The following DPP6 variants were observed in gnomAD, a reference collection of about 807,000 sequenced individuals.
The protein encoded by DPP6 is dipeptidyl peptidase like 6.
In DPP6, 69 loss-of-function variants were observed where a neutral mutation model predicts 122.6. That is an observed-to-expected ratio of 0.56 (90% CI 0.46 to 0.69). The LOEUF is 0.69. DPP6 is among the 30% of genes least tolerant of loss of function. DPP6 has a pLI of 0.00. For missense variants in DPP6, 928 were observed against 1,116.9 expected (o/e 0.83, Z 2.41); for synonymous variants, 418 against 433.1 (o/e 0.97, Z 0.43).
At chr7:154,521,293 C>T (rs1404912267) in intron 3 of DPP6, among the ~76,000 whole-genome samples, 1 of 151,754 alleles carries the variant, frequency 6.6e-6, no homozygotes, top group Non-Finnish European at 1.5e-5. Context: ...CTACTTAACT[C>T]TATATTTTCT....
chr7:154,190,751 G>A (rs1276255816), intron 1 of DPP6, among the ~76,000 whole-genome samples: 1 of 152,074 alleles, frequency 6.6e-6, no homozygotes, highest in Non-Finnish European at 1.5e-5. Context: ...AAAAGCCCAT[G>A]AATTCACCTG....
chr7:154,534,873 T>G lies in DPP6; in HGVS notation c.458-5659T>G, dbSNP rs868747563. Among the ~76,000 whole-genome samples the G allele has an allele frequency of 2.6e-5, 4 of 152,014 alleles. No individual in the cohort carries two copies. The South Asian group carries it at 6.2e-4, about 24-fold the overall frequency. On this transcript the variant is annotated intron_variant, in intron 3 of 25. Coordinates refer to ENST00000377770, the MANE Select transcript of DPP6 (RefSeq NM_130797.4). Reference sequence around the variant, plus strand: ...GAAATCAACAAGATAATTAAAAAATTTATATTGAAATACAAAGGACCTAAA... The same window carrying G: ...GAAATCAACAAGATAATTAAAAAATGTATATTGAAATACAAAGGACCTAAA...
At chr7:154,864,175 T>C (rs557436822) in intron 17 of DPP6, among the ~76,000 whole-genome samples, 45 of 152,324 alleles carry the variant, frequency 3.0e-4, no homozygotes, top group African/African-American at 8.2e-4. Flanking sequence ...TTATTTCTTG[T>C]AGAAATGTGA....
At chr7:154,673,244 C>A (rs1838679403) in intron 7 of DPP6, among the ~76,000 whole-genome samples, 1 of 152,198 alleles carries the variant, frequency 6.6e-6, no homozygotes, top group Non-Finnish European at 1.5e-5. Flanking sequence ...GTGAGTAATT[C>A]TCCTTTGGGA....
chr7:153,964,430 G>A lies in DPP6; in HGVS notation c.51+76696G>A, dbSNP rs536672307. Among the ~76,000 whole-genome samples the A allele has an allele frequency of 8.5e-5, 13 of 152,198 alleles. No individual in the cohort carries two copies. In the South Asian group the frequency reaches 1.7e-3, roughly 19 times the overall value. ...TACCACAGGTTCTGGAGACGCTACCGCTTCATGTCTCCTAGCAGCACTGGC... is the reference window on the plus strand; with the variant it reads ...TACCACAGGTTCTGGAGACGCTACCACTTCATGTCTCCTAGCAGCACTGGC... On this transcript the variant is annotated intron_variant, in intron 1 of 25. Coordinates refer to the DPP6 transcript ENST00000404039.
At chr7:154,371,579 C>T (rs1209285687) in intron 1 of DPP6, among the ~76,000 whole-genome samples, 2 of 152,048 alleles carry the variant, frequency 1.3e-5, no homozygotes, top group Non-Finnish European at 2.9e-5. Flanking sequence ...GGCGAAGGCC[C>T]ACTTGCAGAC....
At chr7:154,189,721 G>A (rs893542843) in intron 1 of DPP6, among the ~76,000 whole-genome samples, 1 of 152,180 alleles carries the variant, frequency 6.6e-6, no homozygotes, top group Admixed American at 6.5e-5. Context: ...GACCAGCGAG[G>A]CTATCTTTGT....
intron 1 of DPP6, among the ~76,000 whole-genome samples, chr7:154,087,504 G>A (rs1222147691): frequency 6.6e-6 from 1 of 152,186 alleles, no homozygotes; most frequent in Non-Finnish European, 1.5e-5. Context: ...GCAGAGGAGA[G>A]AATTAGCCGC....
chr7:153,814,232 G>A, the DPP6 span, among the ~76,000 whole-genome samples: 229 of 152,198 alleles, frequency 1.5e-3, no homozygotes, highest in Non-Finnish European at 2.3e-3. Flanking sequence ...GAAGAAAAGA[G>A]AGAAGAATCA....
At chr7:154,256,930 C>T (rs1231079023) in intron 1 of DPP6, among the ~76,000 whole-genome samples, 1 of 151,998 alleles carries the variant, frequency 6.6e-6, no homozygotes. Flanking sequence ...CTAGAAAATG[C>T]CAGGCTTTAG....
chr7:154,759,373 T>G (rs527832554), intron 8 of DPP6, among the ~76,000 whole-genome samples: 11 of 152,242 alleles, frequency 7.2e-5, no homozygotes, highest in Non-Finnish European at 1.5e-4. Context: ...GTGAGGCTTC[T>G]CAATCACACA....
intron 13 of DPP6, among the ~76,000 whole-genome samples, chr7:154,801,809 C>T (rs964474915): frequency 2.6e-5 from 4 of 152,110 alleles, no homozygotes; most frequent in African/African-American, 9.7e-5. Context: ...TAACATACTC[C>T]CCGCTGAGGC....
At chr7:154,583,216 G>A (rs1563891574) in intron 5 of DPP6, among the ~76,000 whole-genome samples, 1 of 152,254 alleles carries the variant, frequency 6.6e-6, no homozygotes, top group Admixed American at 6.5e-5. Context: ...ACAGACGTGT[G>A]TATCTCAGAG....
At chr7:154,323,064 C>G (rs951201773) in intron 1 of DPP6, among the ~76,000 whole-genome samples, 10 of 138,148 alleles carry the variant, frequency 7.2e-5, no homozygotes, top group African/African-American at 2.7e-4. Flanking sequence ...TAGCCCTGTT[C>G]AAAAAAAAAA....
chr7:154,233,662 A>T (rs1295133548), intron 1 of DPP6, among the ~76,000 whole-genome samples: 3 of 152,190 alleles, frequency 2.0e-5, no homozygotes. Flanking sequence ...AAACCCACCA[A>T]AAACTTGGAG....
the DPP6 span, among the ~76,000 whole-genome samples, chr7:153,789,896 C>T: frequency 6.6e-6 from 1 of 151,996 alleles, no homozygotes; most frequent in East Asian, 1.9e-4. Flanking sequence ...AATATATAAT[C>T]TTCTTCAAAG....
intron 1 of DPP6, among the ~76,000 whole-genome samples, chr7:154,359,261 G>T (rs987590571): frequency 6.6e-6 from 1 of 152,180 alleles, no homozygotes; most frequent in African/African-American, 2.4e-5. Flanking sequence ...GCCTTAACAA[G>T]GCATTCATTT....
chr7:154,625,485 A>C (rs1208372876), intron 5 of DPP6, among the ~76,000 whole-genome samples: 1 of 152,222 alleles, frequency 6.6e-6, no homozygotes, highest in East Asian at 1.9e-4. Flanking sequence ...CTTCTTATAA[A>C]GGAAGCACAG....
At chr7:154,193,310 A>G (rs1421078148) in intron 1 of DPP6, among the ~76,000 whole-genome samples, 7 of 152,248 alleles carry the variant, frequency 4.6e-5, no homozygotes, top group Admixed American at 4.6e-4. Flanking sequence ...TCTCGTGTGT[A>G]GTAGATAGAT....
Sources: allele counts gnomAD v4.1 joint callset (sites outside exome capture counted in the v4.1 genomes callset), GRCh38; gene constraint gnomAD v4.1.1; transcripts MANE v1.5; gene names NCBI Gene and HGNC (gene_info 2026-07-23, HGNC 2026-07-21).